CCDC102B: variants seen among roughly 807,000 people sequenced by gnomAD.
The protein encoded by CCDC102B is coiled-coil domain containing 102B, also known as coiled-coil domain-containing protein 102B.
Under a neutral mutation model 57.4 loss-of-function variants are expected in CCDC102B, and 75 were observed. The ratio of observed to expected loss-of-function variants is 1.31; its 90% CI spans 1.08 to 1.58. The LOEUF is 1.58. Among genes scored for constraint, CCDC102B ranks in the 40% most tolerant of loss-of-function variants. CCDC102B has a pLI of 0.00. For synonymous variants in CCDC102B, 206 were observed against 201.9 expected (o/e 1.02, Z -0.17); for missense variants, 636 against 582.6 (o/e 1.09, Z -0.94).
intron 6 of CCDC102B, among the ~76,000 whole-genome samples, chr18:68,981,569 G>A (rs2050582181): frequency 6.6e-6 from 1 of 151,954 alleles, no homozygotes; most frequent in Non-Finnish European, 1.5e-5. Context: ...AAAACCATGT[G>A]TTTAGTTCCT....
chr18:68,765,130 G>T (rs1208382438), intron 2 of CCDC102B, among the ~76,000 whole-genome samples: 1 of 149,828 alleles, frequency 6.7e-6, no homozygotes, highest in Admixed American at 6.7e-5. Context: ...GACTGAAGTG[G>T]GGGGGATTGC....
At chr18:69,010,679 C>T (rs1647176190) in intron 6 of CCDC102B, among the ~76,000 whole-genome samples, 1 of 151,916 alleles carries the variant, frequency 6.6e-6, no homozygotes, top group South Asian at 2.1e-4. Context: ...ATAAAAACTA[C>T]TTTTGTGTAA....
intron 7 of CCDC102B, among the ~76,000 whole-genome samples, chr18:69,021,568 G>A (rs2051833348): frequency 6.6e-6 from 1 of 152,186 alleles, no homozygotes. Flanking sequence ...CGTTGTGAGA[G>A]ATATTCAATC....
intron 6 of CCDC102B, among the ~76,000 whole-genome samples, chr18:68,998,132 A>G (rs983520449): frequency 2.0e-5 from 3 of 151,824 alleles, no homozygotes; most frequent in African/African-American, 7.3e-5. Context: ...CCTCCATGTC[A>G]GTGTTTGCCA....
chr18:68,850,491 C>T (rs2038073176), intron 4 of CCDC102B, among the ~76,000 whole-genome samples: 1 of 151,886 alleles, frequency 6.6e-6, no homozygotes, highest in African/African-American at 2.4e-5. Context: ...TTAGAGCTAC[C>T]TGTGATGAGT....
intron 7 of CCDC102B, among the ~76,000 whole-genome samples, chr18:69,042,385 A>C (rs916315410): frequency 6.6e-6 from 1 of 152,108 alleles, no homozygotes; most frequent in African/African-American, 2.4e-5. Flanking sequence ...GTGAAATCAC[A>C]ATTGGAGAAG....
intron 6 of CCDC102B, among the ~76,000 whole-genome samples, chr18:68,928,191 CA>C (rs2041542722): frequency 6.6e-6 from 1 of 151,884 alleles, no homozygotes; most frequent in Non-Finnish European, 1.5e-5. Context: ...GAACTCAACA[CA>C]TTTCAGTTAT....
At chr18:68,880,368 G>C (rs558579947) in intron 5 of CCDC102B, among the ~76,000 whole-genome samples, 1 of 152,188 alleles carries the variant, frequency 6.6e-6, no homozygotes, top group Non-Finnish European at 1.5e-5. Flanking sequence ...GTTCCTGCTC[G>C]TGCCTCTCCC....
intron 6 of CCDC102B, among the ~76,000 whole-genome samples, chr18:68,898,679 T>C (rs777407433): frequency 1.3e-5 from 2 of 152,160 alleles, no homozygotes; most frequent in African/African-American, 2.4e-5. Context: ...CACTGTTCTA[T>C]ATGCAGGTAA....
At chr18:68,792,223 T>G (rs572649045) in intron 2 of CCDC102B, among the ~76,000 whole-genome samples, 1 of 152,334 alleles carries the variant, frequency 6.6e-6, no homozygotes, top group South Asian at 2.1e-4. Context: ...AATATTTATT[T>G]CTAGGCCACC....
intron 2 of CCDC102B, among the ~76,000 whole-genome samples, chr18:68,759,837 C>T (rs530758222): frequency 6.6e-6 from 1 of 152,090 alleles, no homozygotes; most frequent in Admixed American, 6.6e-5. Flanking sequence ...ACATAGATGC[C>T]CACACTTCTG....
chr18:68,925,447 A>C (rs1289651436), intron 6 of CCDC102B, among the ~76,000 whole-genome samples: 1 of 151,988 alleles, frequency 6.6e-6, no homozygotes, highest in Non-Finnish European at 1.5e-5. Context: ...TCTCCTTGTC[A>C]TGTCCTCCAC....
intron 6 of CCDC102B, among the ~76,000 whole-genome samples, chr18:68,995,073 T>C (rs1272456283): frequency 2.0e-5 from 3 of 152,170 alleles, no homozygotes; most frequent in Admixed American, 6.5e-5. Context: ...AGGAACTTGT[T>C]GGGAACTGGA....
downstream of CCDC102B, among the ~76,000 whole-genome samples, chr18:69,057,654 C>T (rs184509739): frequency 7.9e-5 from 12 of 152,072 alleles, no homozygotes; most frequent in African/African-American, 2.4e-4. Context: ...AATGCTATGG[C>T]TTTATGGAAG....
At chr18:68,816,724 A>G (rs1313439508) in intron 1 of CCDC102B, among the ~76,000 whole-genome samples, 1 of 152,076 alleles carries the variant, frequency 6.6e-6, no homozygotes, top group African/African-American at 2.4e-5. Context: ...TCGGCGTCTC[A>G]AAGTGTTGGG....
At chr18:69,002,600 T>C (rs2051233775) in intron 6 of CCDC102B, among the ~76,000 whole-genome samples, 1 of 152,210 alleles carries the variant, frequency 6.6e-6, no homozygotes, top group Non-Finnish European at 1.5e-5. Context: ...AAACATTTTC[T>C]TGGTTTTTGC....
At chr18:68,733,202 C>T (rs191779403) in intron 2 of CCDC102B, among the ~76,000 whole-genome samples, 1 of 152,092 alleles carries the variant, frequency 6.6e-6, no homozygotes, top group Admixed American at 6.5e-5. Flanking sequence ...AGGACTGATG[C>T]CTTTCACACA....
rs187720534 is a variant in CCDC102B, at chr18:68,802,920, G to A, written c.-16+4739G>A. Among the ~76,000 whole-genome samples the A allele has an allele frequency of 2.0e-3, 308 of 152,180 alleles. 3 individuals are homozygous for A. The highest frequency in any genetic ancestry group is 7.1e-3 in the African/African-American group (296 of 41,522). ...CCCAAATATCCTATCCACTTTCCAC[G>A]CTGTTTCAAAAGTATTTCTGGCCAA... On this transcript the variant is annotated intron_variant, in intron 1 of 7. Coordinates refer to ENST00000360242, the MANE Select transcript of CCDC102B (RefSeq NM_024781.3).
Position 68,766,154 on chromosome 18 carries a change from T to A in CCDC102B, c.-67+49560T>A, listed in dbSNP as rs143486599. Among the ~76,000 whole-genome samples, 376 of 152,310 alleles carry A rather than the reference T, an allele frequency of 2.5e-3. 1 individual carries two copies. The highest frequency in any genetic ancestry group is 8.7e-3 in the African/African-American group (361 of 41,568). ...TTAAATATCATAATACATGTATCTATCTTTCTCTTTTCTTAGAATCATGCA... is the reference window on the plus strand; with the variant it reads ...TTAAATATCATAATACATGTATCTAACTTTCTCTTTTCTTAGAATCATGCA... On this transcript the variant is annotated intron_variant, in intron 2 of 3. Coordinates refer to the CCDC102B transcript ENST00000578970.
Sources: allele counts gnomAD v4.1 joint callset (sites outside exome capture counted in the v4.1 genomes callset), GRCh38; gene constraint gnomAD v4.1.1; transcripts MANE v1.5; gene names NCBI Gene and HGNC (gene_info 2026-07-23, HGNC 2026-07-21).